Variants in NR1I3 observed in about 807,000 individuals in gnomAD.
NR1I3 encodes the protein nuclear receptor subfamily 1 group I member 3.
In NR1I3, 30 loss-of-function variants were observed where a neutral mutation model predicts 38.4. That is an observed-to-expected ratio of 0.78 (90% CI 0.58 to 1.06). The LOEUF (loss-of-function observed/expected upper bound fraction) is 1.06, where lower values mean the gene tolerates loss of function less well. NR1I3 is among the 50% of genes least tolerant of loss of function. NR1I3 has a pLI of 0.00. For synonymous variants in NR1I3, 143 were observed against 165.1 expected (o/e 0.87, Z 1.03); for missense variants, 388 against 435.7 (o/e 0.89, Z 0.97).
intron 5 of NR1I3, 110 bp downstream of exon 5, chr1:161,232,697 A>G (rs780361073): frequency 2.1e-5 from 23 of 1,093,388 alleles, no homozygotes; most frequent in Non-Finnish European, 2.3e-5. Context: ...TCAAGACCTA[A>G]TGCTTGGAAA....
chr1:161,236,153 G>A, intron 2 of NR1I3, 176 bp from the exon 3 acceptor site: 1 of 740,972 alleles, frequency 1.3e-6, no homozygotes, highest in Non-Finnish European at 2.2e-6. Flanking sequence ...TGGCAACACA[G>A]GATCACTCCA....
rs753425575 is a variant in NR1I3 at position 161,235,949 on chromosome 1, T to G, written c.136A>C (p.Thr46Pro). The G allele has an allele frequency of 1.9e-6, 3 of 1,607,776 alleles. No individual in the cohort carries two copies. The South Asian group carries it at 3.3e-5, about 18-fold the overall frequency. The stretch of plus-strand genomic sequence containing the variant: ...TCACAGCTTCCAGCAAAGGGGCAGG[T>G]GGGACCAATGCTTTTGCTGACTGTT... ...RRTVSKSIGP[T>P]CPFAGSCEVS... Residue 46 changes from threonine (T) to proline (P), a missense_variant, in exon 3 of 9, where the codon ACC (threonine) becomes CCC (proline). Thr to Pro is a conservative substitution (Grantham distance 38). Transcript: ENST00000367983.
intron 5 of NR1I3, 67 bp from the exon 6 acceptor site, chr1:161,231,541 C>A: frequency 6.6e-7 from 1 of 1,525,086 alleles, no homozygotes. Flanking sequence ...CTCACTGTCA[C>A]CCTGGCTGGA....
intron 3 of NR1I3, among the ~76,000 whole-genome samples, chr1:161,233,776 G>T (rs527762047): frequency 6.7e-6 from 1 of 149,264 alleles, no homozygotes; most frequent in Admixed American, 6.7e-5. Context: ...AACTTCTGAG[G>T]TTAAATCCCA....
In NR1I3 at chr1:161,232,836, G is replaced by A; in HGVS notation, c.519C>T (p.Ile173=). The A allele has an allele frequency of 1.2e-6, 2 of 1,614,228 alleles. No homozygotes were observed. Among genetic ancestry groups the A allele is most frequent in the Non-Finnish European group, 1.7e-6 (2 of 1,180,026 alleles). ...DINTFMVLQV[I]KFTKDLPVFR... is the part of the protein sequence containing the mutation. ...AGACGGGCAGGTCCTTAGTAAACTTGATGACTTGCAGTACCATGAAAGTGT... is the reference window on the plus strand; with the variant it reads ...AGACGGGCAGGTCCTTAGTAAACTTAATGACTTGCAGTACCATGAAAGTGT... Residue 173 remains isoleucine, a synonymous_variant, in exon 5 of 9, where the codon ATC becomes ATT. Coordinates refer to ENST00000367983, the MANE Select transcript of NR1I3 (RefSeq NM_005122.5).
intron 2 of NR1I3, 70 bp from the exon 3 acceptor site, chr1:161,236,047 C>A: frequency 6.6e-7 from 1 of 1,505,480 alleles, no homozygotes; most frequent in South Asian, 1.3e-5. Flanking sequence ...ATGACATGGT[C>A]TAAAAGACCT....
chr1:161,232,168 G>A (rs1464005163), intron 5 of NR1I3, among the ~76,000 whole-genome samples: 1 of 151,010 alleles, frequency 6.6e-6, no homozygotes, highest in Non-Finnish European at 1.5e-5. Context: ...TGTATTTTTA[G>A]TAGAGACGGA....
chr1:161,234,709 A>C (rs750438917), intron 3 of NR1I3, among the ~76,000 whole-genome samples: 1 of 152,154 alleles, frequency 6.6e-6, no homozygotes, highest in Non-Finnish European at 1.5e-5. Context: ...CTCGGCCTGC[A>C]CAAGTTTTTA....
chr1:161,237,709 CT>C (rs1668872400), intron 1 of NR1I3, among the ~76,000 whole-genome samples: 1 of 151,810 alleles, frequency 6.6e-6, no homozygotes, highest in Non-Finnish European at 1.5e-5. Context: ...CAGAGCGAGA[CT>C]CCATCTCAAA....
intron 3 of NR1I3, chr1:161,235,644 T>A: frequency 1.9e-6 from 1 of 539,408 alleles, no homozygotes; most frequent in South Asian, 2.0e-5. Context: ...TGAAATAAAG[T>A]CTGAAAGGTG....
Position 161,236,551 on chromosome 1 carries a change from T to C in NR1I3, c.15A>G (p.Glu5=). 6.2e-7 allele frequency: 1 copy of C among 1,614,118 alleles called. No homozygotes were observed. The highest frequency in any genetic ancestry group is 8.5e-7 in the Non-Finnish European group (1 of 1,180,018). MASR[E]DELRNCVVCG... ...ATACCACACAGTTCCTCAGCTCATC[T>C]TCCCTACTGGCCATGACGTCACGTG... Residue 5 remains glutamate, a synonymous_variant, in exon 2 of 9, where the codon GAA becomes GAG. Transcript: ENST00000367983.
chr1:161,234,720 G>T (rs1297173618), intron 3 of NR1I3, among the ~76,000 whole-genome samples: 1 of 152,138 alleles, frequency 6.6e-6, no homozygotes, highest in Non-Finnish European at 1.5e-5. Context: ...CAAGTTTTTA[G>T]TTGAATTAAC....
At position 161,229,866 on chromosome 1, in the gene NR1I3, G is replaced by A. The variant is rs79799851; in HGVS notation, c.978C>T (p.Tyr326=). 2.8e-4 allele frequency: 455 copies of A among 1,614,194 alleles called. 1 individual carries two copies. In the African/African-American group the frequency reaches 5.4e-3, roughly 19 times the overall value. Reference sequence around the variant, plus strand: ...CCTGGATGTGCTGGATTTGGTACCCGTAGGCCTCATTAATGCTCCGGAGCT... The same window carrying A: ...CCTGGATGTGCTGGATTTGGTACCCATAGGCCTCATTAATGCTCCGGAGCT... The part of the protein sequence containing the change: ...LAELRSINEA[Y]GYQIQHIQGL... Residue 326 remains tyrosine (Y), a synonymous_variant, in exon 9 of 9, where the codon TAC becomes TAT. Coordinates refer to ENST00000367983, the MANE Select transcript of NR1I3 (RefSeq NM_005122.5).
Position 161,236,612 on chromosome 1 carries a change from G to C in NR1I3, c.-33-14C>G. On this transcript the variant is annotated splice_polypyrimidine_tract_variant and intron_variant, in intron 1 of 8. Transcript: ENST00000367983. ...TGTCACAGACTCCTGAATGTAGGAG[G>C]GGTCAGCAGTCAGTTTTGGGCCACC... is the stretch of plus-strand genomic sequence containing the variant. 1 of 1,610,812 alleles carries C rather than the reference G, an allele frequency of 6.2e-7. No individual in the cohort carries two copies. The highest frequency in any genetic ancestry group is 1.3e-5 in the African/African-American group (1 of 74,980).
At chr1:161,232,558 A>G (rs1048794820) in intron 5 of NR1I3, among the ~76,000 whole-genome samples, 1 of 152,176 alleles carries the variant, frequency 6.6e-6, no homozygotes, top group Admixed American at 6.5e-5. Context: ...TCCGCCTCCC[A>G]AAGTGCTGGG....
At chr1:161,237,716 T>C (rs1668874366) in intron 1 of NR1I3, among the ~76,000 whole-genome samples, 1 of 150,738 alleles carries the variant, frequency 6.6e-6, no homozygotes, top group African/African-American at 2.4e-5. Context: ...AGACTCCATC[T>C]CAAAAAAAAC....
chr1:161,236,460 T>G lies in NR1I3; in HGVS notation c.106A>C (p.Arg36=), dbSNP rs2102196419. Residue 36 remains arginine, a splice_region_variant and synonymous_variant, in exon 2 of 9, where the codon AGG becomes CGG. Coordinates refer to ENST00000367983, the MANE Select transcript of NR1I3 (RefSeq NM_005122.5). ...TTCCATTGGGGAGGAGACTCTCACC[T>G]GAAGAAACCCTTGCAGCCCTCACAA... The part of the protein sequence containing the change: ...LTCEGCKGFF[R]RTVSKSIGPT... The G allele has an allele frequency of 6.2e-7, 1 of 1,614,156 alleles. No homozygotes were observed. The highest frequency in any genetic ancestry group is 2.2e-5 in the East Asian group (1 of 44,882).
rs981786446 is a variant in NR1I3, at chr1:161,229,685, T to C, written c.*112A>G. 5.6e-6 allele frequency: 9 copies of C among 1,613,948 alleles called. No individual in the cohort carries two copies. In the African/African-American group the frequency reaches 1.2e-4, roughly 22 times the overall value. ...AGGCAGTTATTGCTTTAGTCTTTCA[T>C]TGCAACCACTGGGCTCCCTTTGAAC... On this transcript the variant is annotated 3_prime_UTR_variant, in exon 9 of 9. Coordinates refer to ENST00000367983, the MANE Select transcript of NR1I3 (RefSeq NM_005122.5).
intron 3 of NR1I3, among the ~76,000 whole-genome samples, chr1:161,233,967 ATGTG>A (rs1408768457): frequency 7.2e-6 from 1 of 138,548 alleles, no homozygotes; most frequent in East Asian, 2.2e-4. Flanking sequence ...GTGTATATAT[ATGTG>A]TATATATATA....
Sources: allele counts gnomAD v4.1 joint callset (sites outside exome capture counted in the v4.1 genomes callset), GRCh38; gene constraint gnomAD v4.1.1; transcripts MANE v1.5; gene names NCBI Gene and HGNC (gene_info 2026-07-23, HGNC 2026-07-21).